The following ASIP variants were observed in gnomAD, a reference collection of about 807,000 sequenced individuals.
ASIP encodes agouti signaling protein.
ASIP carries 11 observed loss-of-function variants against 10.3 expected under a neutral mutation model. That is an observed-to-expected ratio of 1.07 (90% confidence interval 0.68 to 1.78). The LOEUF is 1.78. Ranked by LOEUF, ASIP falls within the 40% of genes most tolerant of loss-of-function variation. The pLI is 0.00. For missense variants in ASIP, 180 were observed against 169.2 expected, an observed-to-expected ratio of 1.06 and a Z score of -0.35; for synonymous variants, 70 against 70.8, an observed-to-expected ratio of 0.99 and a Z score of 0.06.
chr20:34,262,714 C>A (rs951985228), intron 2 of ASIP, 118 bp from the exon 3 acceptor site: 26 of 1,101,590 alleles, frequency 2.4e-5, no homozygotes, highest in Non-Finnish European at 3.6e-5. Flanking sequence ...TCATCCAGCA[C>A]GCTTCTTCTC....
intron 1 of ASIP, among the ~76,000 whole-genome samples, chr20:34,231,870 A>G (rs1221794111): frequency 1.3e-5 from 2 of 152,230 alleles, no homozygotes; most frequent in Non-Finnish European, 2.9e-5. Flanking sequence ...AAGGACATTG[A>G]GTAATGGAAC....
At chr20:34,263,042 G>A in intron 3 of ASIP, 149 bp downstream of exon 3, 3 of 945,988 alleles carry the variant, frequency 3.2e-6, no homozygotes, top group South Asian at 1.8e-5. Flanking sequence ...AAGACTTCCT[G>A]GCTTGAGCTC....
chr20:34,189,056 C>T, the ASIP span, among the ~76,000 whole-genome samples: 3 of 152,172 alleles, frequency 2.0e-5, no homozygotes, highest in African/African-American at 7.2e-5. Context: ...AATAATGACA[C>T]TATCGAGTGC....
At chr20:34,233,673 T>G (rs1359844135) in intron 1 of ASIP, among the ~76,000 whole-genome samples, 1 of 152,238 alleles carries the variant, frequency 6.6e-6, no homozygotes, top group Non-Finnish European at 1.5e-5. Flanking sequence ...TACCAAATAC[T>G]TTGACTATAA....
intron 1 of ASIP, among the ~76,000 whole-genome samples, chr20:34,204,226 T>A (rs1388770957): frequency 4.6e-5 from 7 of 151,706 alleles, no homozygotes; most frequent in African/African-American, 1.7e-4. Context: ...TTTTTAATTT[T>A]TTTTTTTTTT....
the ASIP span, among the ~76,000 whole-genome samples, chr20:34,189,391 C>T: frequency 6.6e-6 from 1 of 152,104 alleles, no homozygotes; most frequent in Admixed American, 6.6e-5. Flanking sequence ...TATAGGCATG[C>T]ACCACCACGC....
chr20:34,240,299 GA>G (rs929975021), upstream of ASIP, among the ~76,000 whole-genome samples: 1 of 152,172 alleles, frequency 6.6e-6, no homozygotes, highest in African/African-American at 2.4e-5. Context: ...CTGGGCTTGT[GA>G]AAAATTTAAT....
At chr20:34,259,460 C>A (rs557143498) in intron 1 of ASIP, among the ~76,000 whole-genome samples, 12 of 152,000 alleles carry the variant, frequency 7.9e-5, no homozygotes, top group Non-Finnish European at 1.5e-4. Context: ...TTGCAGTGAG[C>A]CAAGATCGTG....
chr20:34,224,669 C>T (rs1233765826), intron 1 of ASIP, among the ~76,000 whole-genome samples: 3 of 151,106 alleles, frequency 2.0e-5, no homozygotes, highest in Non-Finnish European at 3.0e-5. Context: ...CTAGGATTGT[C>T]TCACCAGGAC....
At position 34,209,750 on chromosome 20, in the gene ASIP, G is replaced by A. The variant is rs1188961667; in HGVS notation, c.-11+14990G>A. Among the ~76,000 whole-genome samples, 3 of 152,186 alleles carry A rather than the reference G, an allele frequency of 2.0e-5. No homozygotes were observed. In the East Asian group the frequency reaches 5.8e-4, roughly 29 times the overall value. On this transcript the variant is annotated intron_variant, in intron 1 of 3. Coordinates refer to the ASIP transcript ENST00000568305. ...ATGGGAGGGAAGCTAAGGAGGGGCC[G>A]AGGGCAGCTTGGCATTGGCCTGCAG...
chr20:34,223,021 C>G (rs1375403067), intron 1 of ASIP, among the ~76,000 whole-genome samples: 1 of 152,044 alleles, frequency 6.6e-6, no homozygotes, highest in African/African-American at 2.4e-5. Flanking sequence ...CCCAAAGTGC[C>G]GAGATTGCAG....
chr20:34,252,813 C>CGTGTCA (rs2035500403), intron 1 of ASIP, among the ~76,000 whole-genome samples: 1 of 152,198 alleles, frequency 6.6e-6, no homozygotes. Flanking sequence ...GAGGTCCCTG[C>CGTGTCA]GGACATTGTG....
At chr20:34,257,081 T>TTC in intron 1 of ASIP, among the ~76,000 whole-genome samples, 1 of 147,372 alleles carries the variant, frequency 6.8e-6, no homozygotes, top group Non-Finnish European at 1.5e-5. Flanking sequence ...TTTTTTTTTT[T>TTC]TGTTTTTTGT....
intron 1 of ASIP, among the ~76,000 whole-genome samples, chr20:34,204,601 A>G (rs770781986): frequency 3.9e-5 from 6 of 152,224 alleles, no homozygotes; most frequent in Non-Finnish European, 7.3e-5. Flanking sequence ...AATAGCAGGC[A>G]TCCTTATCTT....
At chr20:34,264,973 T>C (rs1375490605) in intron 3 of ASIP, among the ~76,000 whole-genome samples, 3 of 151,884 alleles carry the variant, frequency 2.0e-5, no homozygotes, top group African/African-American at 7.3e-5. Context: ...TTTTTGTATT[T>C]TCAGTAGAGA....
chr20:34,261,831 G>A (rs929545367), intron 2 of ASIP, among the ~76,000 whole-genome samples: 7 of 151,750 alleles, frequency 4.6e-5, no homozygotes, highest in Non-Finnish European at 7.4e-5. Context: ...ATAAATAATC[G>A]GCCAGGCGCG....
intron 1 of ASIP, among the ~76,000 whole-genome samples, chr20:34,256,332 A>T (rs563787360): frequency 6.6e-6 from 1 of 152,288 alleles, no homozygotes; most frequent in East Asian, 1.9e-4. Flanking sequence ...CCTTGGTGGT[A>T]GTGGTCCCCC....
At chr20:34,215,606 G>A in intron 1 of ASIP, 1 of 1,489,062 alleles carries the variant, frequency 6.7e-7, no homozygotes, top group Non-Finnish European at 9.4e-7. Flanking sequence ...GGTCTTCTCT[G>A]GTTGGGGATT....
At position 34,211,314 on chromosome 20, in the gene ASIP, C is replaced by T. The variant is rs193027670; in HGVS notation, c.-11+16554C>T. Among the ~76,000 whole-genome samples the T allele has an allele frequency of 9.8e-5, 15 of 152,340 alleles. No homozygotes were observed. The East Asian group carries it at 1.5e-3, about 16-fold the overall frequency. On this transcript the variant is annotated intron_variant, in intron 1 of 3. Coordinates refer to the ASIP transcript ENST00000568305. ...CCTTCCTCAAATGATCCTCCCACTT[C>T]GGCCTCCCAAAGTGCCAGAATTATA...
Sources: allele counts gnomAD v4.1 joint callset (sites outside exome capture counted in the v4.1 genomes callset), GRCh38; gene constraint gnomAD v4.1.1; transcripts MANE v1.5; gene names NCBI Gene and HGNC (gene_info 2026-07-23, HGNC 2026-07-21).